Variants in PGAM2 observed in about 807,000 individuals in gnomAD.
PGAM2 encodes phosphoglycerate mutase 2, also known as BPG-dependent PGAM 2.
In PGAM2, 23 loss-of-function variants were observed where a neutral mutation model predicts 22.5. The observed-to-expected ratio is 1.02, with a 90% CI of 0.74 to 1.45. The LOEUF is 1.45. PGAM2 is among the 40% of genes most tolerant of loss of function. The pLI, the probability that PGAM2 is intolerant of heterozygous loss-of-function variation, is 0.00. For missense variants in PGAM2, 349 were observed against 356.2 expected (o/e 0.98, Z 0.16); for synonymous variants, 133 against 138.6 (o/e 0.96, Z 0.29).
At position 44,063,263 on chromosome 7, in the gene PGAM2, GT is replaced by G. The variant is rs1358617040; in HGVS notation, c.596-334del. On this transcript the variant is annotated intron_variant, in intron 2 of 2. Coordinates refer to ENST00000297283, the MANE Select transcript of PGAM2 (RefSeq NM_000290.4). The stretch of plus-strand genomic sequence containing the variant: ...GGTCAGGAAGGGACACTCACCCTTT[GT>G]TTTTTTTTTTTCTTTTCTTTTTCTT... 864 of 342,148 alleles carry G rather than the reference GT, an allele frequency of 2.5e-3. 3 individuals carry two copies. The highest frequency in any genetic ancestry group is 4.0e-3 in the South Asian group (123 of 31,066). 21.2% of individuals were successfully genotyped at this position (342,148 alleles called of 1,614,324 possible). A position where few individuals can be genotyped will look rare whatever the true frequency, so the allele number is the denominator to read the frequency against.
Position 44,065,322 on chromosome 7 carries a change from T to C in PGAM2, c.208A>G (p.Ile70Val), listed in dbSNP as rs773539715. 1 of 1,613,714 alleles carries C rather than the reference T, an allele frequency of 6.2e-7. No individual in the cohort carries two copies. Among genetic ancestry groups the C allele is most frequent in the Non-Finnish European group, 8.5e-7 (1 of 1,180,026 alleles). ...LKRAIRTLWA[I>V]LDGTDQMWLP... is the part of the protein sequence containing the mutation. ...CACATCTGGTCCGTGCCGTCCAGGATGGCCCAGAGGGTGCGGATGGCCCGC... is the reference window on the plus strand; with the variant it reads ...CACATCTGGTCCGTGCCGTCCAGGACGGCCCAGAGGGTGCGGATGGCCCGC... The change falls in exon 1 of 3, where the codon ATC becomes GTC. Residue 70 changes from isoleucine to valine, a missense_variant. Ile to Val is a conservative substitution (Grantham distance 29). Coordinates refer to ENST00000297283, the MANE Select transcript of PGAM2 (RefSeq NM_000290.4).
intron 2 of PGAM2, 39 bp downstream of exon 2, chr7:44,064,793 G>GGCCCCCCCCCCCCCC: frequency 1.3e-5 from 15 of 1,136,902 alleles, no homozygotes; most frequent in African/African-American, 1.5e-5. Flanking sequence ...TGGGGCTGCT[G>GGCCCCCCCCCCCCCC]CCCACCCACC....
chr7:44,064,792 T>TGCCCCCCCCCCCC, intron 2 of PGAM2, 40 bp downstream of exon 2: 1 of 1,279,338 alleles, frequency 7.8e-7, no homozygotes, highest in Non-Finnish European at 1.1e-6. Flanking sequence ...CTGGGGCTGC[T>TGCCCCCCCCCCCC]GCCCACCCAC....
At chr7:44,062,977 G>C (rs774594335) in intron 2 of PGAM2, 47 bp from the exon 3 acceptor site, 2 of 1,593,812 alleles carry the variant, frequency 1.3e-6, no homozygotes, top group South Asian at 1.1e-5. Context: ...TCCCCAGCCT[G>C]TTTACACAGC....
chr7:44,065,435 T>C lies in PGAM2; in HGVS notation c.95A>G (p.Glu32Gly). The C allele has an allele frequency of 6.2e-7, 1 of 1,614,126 alleles. No homozygotes were observed. Among genetic ancestry groups the C allele is most frequent in the African/African-American group, 1.3e-5 (1 of 75,046 alleles). Residue 32 changes from glutamate to glycine, a missense_variant, in exon 1 of 3, where the codon GAA (glutamate) becomes GGA (glycine). Physicochemically the swap from Glu to Gly is moderately conservative, Grantham distance 98. Transcript: ENST00000297283. ...CCGCTTGGCCTCCTCGGTCCCCTTTTCACTCAGCTCTGCATCGAACCAGCC... is the reference window on the plus strand; with the variant it reads ...CCGCTTGGCCTCCTCGGTCCCCTTTCCACTCAGCTCTGCATCGAACCAGCC... The part of the protein sequence containing the change: ...FCGWFDAELS[E>G]KGTEEAKRGA...
chr7:44,063,394 G>A (rs996137732), intron 2 of PGAM2: 3 of 212,966 alleles, frequency 1.4e-5, no homozygotes, highest in Non-Finnish European at 2.9e-5. Flanking sequence ...AAGTGATTCT[G>A]CCTCAGCCTC....
intron 2 of PGAM2, chr7:44,064,091 G>C (rs961888505): frequency 3.9e-5 from 6 of 152,822 alleles, no homozygotes; most frequent in African/African-American, 1.4e-4. Context: ...GACTCAACAA[G>C]CTTTAAGGTC....
intron 1 of PGAM2, 46 bp downstream of exon 1, chr7:44,065,070 C>T (rs984397262): frequency 6.2e-7 from 1 of 1,611,680 alleles, no homozygotes; most frequent in African/African-American, 1.3e-5. Flanking sequence ...CACCCGACTC[C>T]CCACTCTGCA....
Position 44,065,414 on chromosome 7 carries a change from T to C in PGAM2, c.116A>G (p.Lys39Arg). The C allele has an allele frequency of 6.2e-7, 1 of 1,614,160 alleles. No homozygotes were observed. The highest frequency in any genetic ancestry group is 8.5e-7 in the Non-Finnish European group (1 of 1,180,042). ...ELSEKGTEEA[K>R]RGAKAIKDAK... is the part of the protein sequence containing the mutation. Reference sequence around the variant, plus strand: ...ATCCTTGATGGCCTTGGCTCCCCGCTTGGCCTCCTCGGTCCCCTTTTCACT... The same window carrying C: ...ATCCTTGATGGCCTTGGCTCCCCGCCTGGCCTCCTCGGTCCCCTTTTCACT... The change falls in exon 1 of 3, where the codon AAG becomes AGG. Residue 39 changes from lysine (K) to arginine (R), a missense_variant. Lys to Arg is a conservative substitution (Grantham distance 26, BLOSUM62 2). Coordinates refer to ENST00000297283, the MANE Select transcript of PGAM2 (RefSeq NM_000290.4).
intron 2 of PGAM2, 56 bp downstream of exon 2, chr7:44,064,776 A>G: frequency 6.9e-7 from 1 of 1,459,578 alleles, no homozygotes; most frequent in Non-Finnish European, 9.3e-7. Flanking sequence ...TGAGATGAGA[A>G]GCCAGCTGGG....
chr7:44,065,180 C>T lies in PGAM2; in HGVS notation c.350G>A (p.Arg117His), dbSNP rs201067955. 1.5e-5 allele frequency: 24 copies of T among 1,613,956 alleles called. No individual in the cohort carries two copies. Among genetic ancestry groups the T allele is most frequent in the Admixed American group, 1.2e-4 (7 of 60,018 alleles). The change falls in exon 1 of 3, where the codon CGC (arginine) becomes CAC (histidine). Residue 117 changes from arginine (R) to histidine (H), a missense_variant. Coordinates refer to ENST00000297283, the MANE Select transcript of PGAM2 (RefSeq NM_000290.4). ...HGEEQVKIWR[R>H]SFDIPPPPMD... is the part of the protein sequence containing the mutation. ...CGGGGGCGGCGGGATGTCGAAGGAGCGCCTCCAGATCTTCACCTGCTCCTC... is the reference window on the plus strand; with the variant it reads ...CGGGGGCGGCGGGATGTCGAAGGAGTGCCTCCAGATCTTCACCTGCTCCTC...
intron 2 of PGAM2, chr7:44,063,153 A>G (rs545599423): frequency 1.0e-5 from 6 of 585,152 alleles, no homozygotes; most frequent in Non-Finnish European, 1.9e-5. Context: ...TGGGGACTTC[A>G]GCCCCACCCA....
chr7:44,064,750 G>A, intron 2 of PGAM2, 82 bp downstream of exon 2: 1 of 1,238,544 alleles, frequency 8.1e-7, no homozygotes, highest in Non-Finnish European at 1.1e-6. Flanking sequence ...CCTGGTCCAT[G>A]GGCGAGAGAC....
Position 44,065,504 on chromosome 7 carries a change from A to C in PGAM2, c.26T>G (p.Val9Gly). The C allele has an allele frequency of 6.2e-7, 1 of 1,613,998 alleles. No homozygotes were observed. Among genetic ancestry groups the C allele is most frequent in the South Asian group, 1.1e-5 (1 of 91,082 alleles). ...GTTCCATGTGCTCTCGCCGTGCCGG[A>C]CCATCACGAGGCGGTGAGTGGCCAT... MATHRLVM[V>G]RHGESTWNQE... The change falls in exon 1 of 3, where the codon GTC becomes GGC. Residue 9 changes from valine (V) to glycine (G), a missense_variant. Val to Gly is a moderately radical substitution (Grantham distance 109, BLOSUM62 -3). Transcript: ENST00000297283.
In PGAM2 at chr7:44,065,375, A is replaced by G. The variant is rs929959611; in HGVS notation, c.155T>C (p.Phe52Ser). The G allele has an allele frequency of 5.6e-6, 9 of 1,613,906 alleles. No individual in the cohort carries two copies. The Admixed American group carries it at 1.2e-4, about 21-fold the overall frequency. ...AKAIKDAKMEFDICYTSVLKR... is the reference protein window; with the variant it reads ...AKAIKDAKMESDICYTSVLKR... ...CAGCACTGACGTGTAGCAGATGTCA[A>G]ACTCCATCTTGGCATCCTTGATGGC... The change falls in exon 1 of 3, where the codon TTT (phenylalanine) becomes TCT (serine). Residue 52 changes from phenylalanine to serine, a missense_variant. By Grantham distance (155) the Phe-to-Ser change is radical. Transcript: ENST00000297283.
Position 44,065,005 on chromosome 7 carries a change from C to A in PGAM2, c.422G>T (p.Arg141Leu). The A allele has an allele frequency of 6.2e-7, 1 of 1,606,222 alleles. No individual in the cohort carries two copies. Among genetic ancestry groups the A allele is most frequent in the South Asian group, 1.1e-5 (1 of 90,868 alleles). Residue 141 changes from arginine to leucine, a missense_variant, in exon 2 of 3, where the codon CGG (arginine) becomes CTG (leucine). Transcript: ENST00000297283. ...PYYNSISKER[R>L]YAGLKPGELP... is the part of the protein sequence containing the mutation. ...TTCCCCGGGCTTCAGGCCTGCGTAC[C>A]GACGCTCCTGGGGGACACAGGCACG...
chr7:44,064,947 A>G lies in PGAM2; in HGVS notation c.480T>C (p.Ile160=), dbSNP rs780650903. ...LPTCESLKDT[I]ARALPFWNEE... ...CGTTCCAGAAGGGCAGGGCCCGGGC[A>G]ATGGTGTCCTTGAGGCTCTCGCAGG... The change falls in exon 2 of 3, where the codon ATT becomes ATC. Residue 160 remains isoleucine, a synonymous_variant. Coordinates refer to ENST00000297283, the MANE Select transcript of PGAM2 (RefSeq NM_000290.4). 254 of 1,609,520 alleles carry G rather than the reference A, an allele frequency of 1.6e-4. No individual in the cohort carries two copies. The highest frequency in any genetic ancestry group is 2.1e-4 in the Non-Finnish European group (244 of 1,179,706).
Position 44,065,560 on chromosome 7 carries a change from A to AC in PGAM2, c.-32dup, listed in dbSNP as rs554686318. The AC allele has an allele frequency of 1.3e-4, 204 of 1,607,856 alleles. No individual in the cohort carries two copies. The East Asian group carries it at 4.2e-3, about 33-fold the overall frequency. On this transcript the variant is annotated 5_prime_UTR_variant, in exon 1 of 3. Transcript: ENST00000297283. ...CAGCAGGGACCACAGAGGACTCTGG[A>AC]CGGGGACGGCTGCTTCCCAACACTC...
intron 2 of PGAM2, chr7:44,063,730 G>A (rs768273385): frequency 2.0e-5 from 3 of 153,792 alleles, no homozygotes; most frequent in Non-Finnish European, 2.9e-5. Context: ...ATAGCAGCTC[G>A]ACCTTTGATG....
Sources: gnomAD v4.1 joint callset for allele counts on GRCh38, gnomAD v4.1.1 for gene constraint, MANE v1.5 for transcripts, NCBI Gene and HGNC (gene_info 2026-07-23, HGNC 2026-07-21) for gene names.